Variants in NGLY1 observed in about 807,000 individuals in gnomAD.
NGLY1 encodes the protein peptide-N(4)-(N-acetyl-beta-glucosaminyl)asparagine amidase.
In NGLY1, 68 loss-of-function variants were observed where a neutral mutation model predicts 84.6. The ratio of observed to expected loss-of-function variants is 0.80; its 90% CI spans 0.66 to 0.98. The LOEUF (loss-of-function observed/expected upper bound fraction) is 0.98, where lower values mean the gene tolerates loss of function less well. Ranked by LOEUF, NGLY1 falls within the 50% of genes least tolerant of loss-of-function variation. NGLY1 has a pLI of 0.00. For missense variants in NGLY1, 779 were observed against 770.2 expected, an observed-to-expected ratio of 1.01 and a Z score of -0.14; for synonymous variants, 280 against 275.2, an observed-to-expected ratio of 1.02 and a Z score of -0.17.
chr3:25,789,973 C>CCGCGT, exon 1 of NGLY1: 1 of 1,369,886 alleles, frequency 7.3e-7, no homozygotes, highest in Non-Finnish European at 1.0e-6. Flanking sequence ...CTGACCTCAG[C>CCGCGT]CAAGGTGACG....
At chr3:25,781,844 C>A (rs939795907) in intron 1 of NGLY1, among the ~76,000 whole-genome samples, 6 of 152,196 alleles carry the variant, frequency 3.9e-5, no homozygotes, top group Non-Finnish European at 8.8e-5. Flanking sequence ...AGTGAGGCTT[C>A]ATTACAAGGC....
chr3:25,758,653 T>C (rs996974587), intron 3 of NGLY1, among the ~76,000 whole-genome samples: 9 of 152,218 alleles, frequency 5.9e-5, no homozygotes, highest in Non-Finnish European at 1.2e-4. Flanking sequence ...TCTTATAATG[T>C]GAACAGTATA....
chr3:25,758,195 T>C (rs1349276320), intron 3 of NGLY1, among the ~76,000 whole-genome samples: 1 of 152,202 alleles, frequency 6.6e-6, no homozygotes, highest in Non-Finnish European at 1.5e-5. Context: ...AACAATCTAA[T>C]GAGATCTAAC....
intron 4 of NGLY1, chr3:25,749,464 G>A: frequency 1.5e-6 from 2 of 1,307,730 alleles, no homozygotes; most frequent in East Asian, 2.3e-5. Flanking sequence ...CTACAGAGGT[G>A]GCAGCCATCT....
At chr3:25,748,052 C>T (rs1486553928) in intron 4 of NGLY1, among the ~76,000 whole-genome samples, 2 of 152,036 alleles carry the variant, frequency 1.3e-5, no homozygotes, top group African/African-American at 4.8e-5. Context: ...AAGGCCTCTC[C>T]AGGGAAAAAG....
At chr3:25,745,628 C>G (rs897853310) in intron 4 of NGLY1, among the ~76,000 whole-genome samples, 1 of 152,074 alleles carries the variant, frequency 6.6e-6, no homozygotes, top group Non-Finnish European at 1.5e-5. Context: ...TTCTATAACC[C>G]CAACAACTTT....
intron 3 of NGLY1, among the ~76,000 whole-genome samples, chr3:25,759,634 G>A (rs935738567): frequency 1.3e-5 from 2 of 152,156 alleles, no homozygotes; most frequent in Non-Finnish European, 2.9e-5. Context: ...ATTACATGGT[G>A]ATTACAGCAG....
chr3:25,741,238 T>C (rs1418117806), intron 4 of NGLY1, among the ~76,000 whole-genome samples: 1 of 151,694 alleles, frequency 6.6e-6, no homozygotes, highest in South Asian at 2.1e-4. Context: ...ATAAGGTAAA[T>C]TTGCCTACCG....
chr3:25,722,005 G>A (rs1705019638), intron 10 of NGLY1, among the ~76,000 whole-genome samples: 5 of 151,776 alleles, frequency 3.3e-5, no homozygotes, highest in African/African-American at 1.2e-4. Flanking sequence ...ATCACTTGAG[G>A]TTAGGTGTTC....
At chr3:25,759,265 G>C (rs777063444) in intron 3 of NGLY1, among the ~76,000 whole-genome samples, 2 of 151,662 alleles carry the variant, frequency 1.3e-5, no homozygotes, top group Non-Finnish European at 2.9e-5. Flanking sequence ...GACAAGTCTG[G>C]GGAATTCGCC....
intron 2 of NGLY1, among the ~76,000 whole-genome samples, chr3:25,768,892 A>G (rs1707755629): frequency 1.3e-5 from 2 of 152,114 alleles, no homozygotes; most frequent in Admixed American, 1.3e-4. Context: ...AATTGACAAA[A>G]GGTATCACAT....
At chr3:25,783,472 C>T (rs1233395936), upstream of NGLY1, 12 of 1,333,378 alleles carry the variant, frequency 9.0e-6, no homozygotes, top group Admixed American at 2.5e-4. This position sits in a 1 kb window ranked among gnomAD's most constrained non-coding sequence, Gnocchi z 4.5. Context: ...GCAGCAGCTA[C>T]CGCAGCCACC....
In NGLY1 at chr3:25,783,415, G is replaced by A. The variant is rs1260857438; in HGVS notation, c.-25C>T. ...TGCTTGAGCGCCAGCGGGCGCCGCCGCCGCCCCTCGCTCTCCGCGTCCCAC... is the reference window on the plus strand; with the variant it reads ...TGCTTGAGCGCCAGCGGGCGCCGCCACCGCCCCTCGCTCTCCGCGTCCCAC... On this transcript the variant is annotated 5_prime_UTR_variant, in exon 1 of 12. Transcript: ENST00000280700. The surrounding 1 kb of genome is among the most constrained non-coding windows in gnomAD (Gnocchi z 4.5). 39 of 1,519,388 alleles carry A rather than the reference G, an allele frequency of 2.6e-5. No homozygotes were observed. The highest frequency in any genetic ancestry group is 3.2e-5 in the Non-Finnish European group (36 of 1,134,914). The allele number at this position is 1,519,388 out of a possible 1,614,324, so 94.1% of individuals were successfully genotyped here.
intron 5 of NGLY1, among the ~76,000 whole-genome samples, chr3:25,738,132 G>A (rs1705935886): frequency 6.6e-6 from 1 of 152,118 alleles, no homozygotes; most frequent in South Asian, 2.1e-4. Context: ...AATTCTCTAG[G>A]CAATTTGCCT....
Position 25,739,674 on chromosome 3 carries a change from T to C in NGLY1, c.784A>G (p.Arg262Gly). 1 of 1,614,146 alleles carries C rather than the reference T, an allele frequency of 6.2e-7. No homozygotes were observed. The highest frequency in any genetic ancestry group is 1.1e-5 in the South Asian group (1 of 91,092). The part of the protein sequence containing the change: ...KCGGQTRSRD[R>G]SLLPSDDELK... ...TCATCATCACTGGGCAGTAATGATC[T>C]ATCTCTAGACCTAGTCTGTCCACCA... The change falls in exon 5 of 12, where the codon AGA (arginine) becomes GGA (glycine). Residue 262 changes from arginine (R) to glycine (G), a missense_variant. Transcript: ENST00000280700.
chr3:25,732,433 T>C lies in NGLY1; in HGVS notation c.1311A>G (p.Ile437Met). Residue 437 changes from isoleucine to methionine, a missense_variant, in exon 9 of 12, where the codon ATA becomes ATG. Transcript: ENST00000280700. The part of the protein sequence containing the change: ...ENRRKELLQR[I>M]IVELVEFISP... ...ATATAAATTCAACAAGCTCCACAAT[T>C]ATCCTCTGGAGAAGTTCTTTCCTTC... is the stretch of plus-strand genomic sequence containing the variant. 1 of 1,613,610 alleles carries C rather than the reference T, an allele frequency of 6.2e-7. No homozygotes were observed. Among genetic ancestry groups the C allele is most frequent in the Non-Finnish European group, 8.5e-7 (1 of 1,179,636 alleles).
chr3:25,769,799 C>CT (rs1019720602), intron 2 of NGLY1, among the ~76,000 whole-genome samples: 8 of 151,646 alleles, frequency 5.3e-5, no homozygotes, highest in African/African-American at 9.7e-5. Flanking sequence ...TTATTTAATT[C>CT]TTTTTTTTAT....
chr3:25,770,956 C>T (rs759930585), intron 2 of NGLY1, among the ~76,000 whole-genome samples: 3 of 152,008 alleles, frequency 2.0e-5, no homozygotes, highest in African/African-American at 4.8e-5. Flanking sequence ...AGTCCTTTGT[C>T]GGATACTTAG....
intron 6 of NGLY1, 71 bp downstream of exon 6, chr3:25,737,263 G>T: frequency 7.7e-7 from 1 of 1,306,744 alleles, no homozygotes; most frequent in Non-Finnish European, 1.0e-6. Context: ...AGAATCATGG[G>T]CTCAGAATGT....
Sources: allele counts gnomAD v4.1 joint callset (sites outside exome capture counted in the v4.1 genomes callset), GRCh38; gene constraint gnomAD v4.1.1; non-coding constraint Gnocchi (gnomAD v3.1); transcripts MANE v1.5; gene names NCBI Gene and HGNC (gene_info 2026-07-23, HGNC 2026-07-21).